AP3B1: variants seen among roughly 807,000 people sequenced by gnomAD.
AP3B1 encodes the protein adaptor related protein complex 3 subunit beta 1, also known as AP-3 complex subunit beta-1.
A neutral mutation model predicts 132.5 loss-of-function variants in AP3B1; 61 were observed. That is an observed-to-expected ratio of 0.46 (90% CI 0.37 to 0.57). AP3B1 has a LOEUF of 0.57. AP3B1 is among the 20% of genes least tolerant of loss of function. The pLI is 0.00. For missense variants in AP3B1, 1,120 were observed against 1,289.4 expected, an observed-to-expected ratio of 0.87 and a Z score of 2.01; for synonymous variants, 388 against 438.3, an observed-to-expected ratio of 0.89 and a Z score of 1.43.
intron 3 of AP3B1, among the ~76,000 whole-genome samples, chr5:78,240,409 G>A (rs1164849746): frequency 6.6e-6 from 1 of 152,132 alleles, no homozygotes; most frequent in Non-Finnish European, 1.5e-5. Flanking sequence ...CCACATATAT[G>A]TACTGAGTGC....
chr5:78,140,414 T>G (rs1480003313), intron 15 of AP3B1, among the ~76,000 whole-genome samples: 2 of 152,082 alleles, frequency 1.3e-5, no homozygotes, highest in Non-Finnish European at 2.9e-5. Flanking sequence ...TAATAAAAAT[T>G]TATTTCTCAC....
chr5:78,152,508 C>T (rs910868755), intron 14 of AP3B1, among the ~76,000 whole-genome samples: 10 of 152,092 alleles, frequency 6.6e-5, no homozygotes, highest in African/African-American at 2.2e-4. Flanking sequence ...TGAATTTCTG[C>T]AGTATCAGTT....
chr5:78,252,874 T>C (rs1747699482), intron 2 of AP3B1, among the ~76,000 whole-genome samples: 1 of 152,210 alleles, frequency 6.6e-6, no homozygotes, highest in Admixed American at 6.5e-5. Flanking sequence ...CCCAGGGCCT[T>C]GAGCAAACAT....
chr5:78,162,724 TA>T, intron 13 of AP3B1, 94 bp downstream of exon 13: 2 of 1,415,426 alleles, frequency 1.4e-6, no homozygotes, highest in South Asian at 1.2e-5. Context: ...CTGGAAAAGC[TA>T]AAATGCAAAG....
intron 4 of AP3B1, among the ~76,000 whole-genome samples, chr5:78,227,911 A>G (rs1319907279): frequency 6.6e-6 from 1 of 152,196 alleles, no homozygotes; most frequent in Non-Finnish European, 1.5e-5. Flanking sequence ...GAAGCATGAA[A>G]ATAATTATAT....
chr5:78,020,438 C>G (rs1057097378), intron 25 of AP3B1, among the ~76,000 whole-genome samples: 1 of 152,038 alleles, frequency 6.6e-6, no homozygotes, highest in African/African-American at 2.4e-5. Context: ...AGCAACAACT[C>G]TCAGCATTGA....
At chr5:78,251,653 A>C (rs138918234) in intron 2 of AP3B1, among the ~76,000 whole-genome samples, 99 of 152,348 alleles carry the variant, frequency 6.5e-4, no homozygotes, top group African/African-American at 2.3e-3. Flanking sequence ...AACCAGCCCT[A>C]GCCAGAAAGG....
chr5:78,154,183 T>C (rs890768556), intron 14 of AP3B1, among the ~76,000 whole-genome samples: 8 of 152,238 alleles, frequency 5.3e-5, no homozygotes, highest in Admixed American at 1.3e-4. Context: ...TCTGGGAAAG[T>C]CTTTATTTCT....
Position 78,257,037 on chromosome 5 carries a change from T to C in AP3B1, c.204+10483A>G, listed in dbSNP as rs577941077. 5.9e-5 allele frequency among the ~76,000 whole-genome samples: 9 copies of C among 152,218 alleles called. No individual in the cohort carries two copies. In the South Asian group the frequency reaches 6.2e-4, roughly 11 times the overall value. ...ACATACATCAACATAATAAAAACTA[T>C]ATATGACAAACCTCACAGCTAGTAT... On this transcript the variant is annotated intron_variant, in intron 2 of 26. Transcript: ENST00000255194.
chr5:78,198,635 A>T (rs994599326), intron 7 of AP3B1, among the ~76,000 whole-genome samples: 1 of 152,154 alleles, frequency 6.6e-6, no homozygotes, highest in African/African-American at 2.4e-5. Context: ...TCTAAATATC[A>T]TCACCCTGGG....
Position 78,130,067 on chromosome 5 carries a change from T to C in AP3B1, c.1651-760A>G, listed in dbSNP as rs560156305. 5.7e-4 allele frequency among the ~76,000 whole-genome samples: 87 copies of C among 152,302 alleles called. No individual in the cohort carries two copies. The Middle Eastern group carries it at 0.01, about 18-fold the overall frequency. On this transcript the variant is annotated intron_variant, in intron 15 of 26. Transcript: ENST00000255194. The stretch of plus-strand genomic sequence containing the variant: ...ATAATAAGACTTCCTAAGTCAATTT[T>C]TGAATGTACTACATTAACATATATT...
At chr5:78,165,541 G>C (rs1743577429) in intron 12 of AP3B1, 69 bp downstream of exon 12, 2 of 1,061,444 alleles carry the variant, frequency 1.9e-6, no homozygotes, top group Admixed American at 1.8e-5. Context: ...TTTCTAGATA[G>C]AAAAAGATGC....
At chr5:78,219,185 T>C (rs1266626099) in intron 6 of AP3B1, among the ~76,000 whole-genome samples, 1 of 152,114 alleles carries the variant, frequency 6.6e-6, no homozygotes, top group East Asian at 1.9e-4. Flanking sequence ...CAGCAGGCAC[T>C]GACCTAATTT....
rs757192302 is a variant in AP3B1 at position 78,020,819 on chromosome 5, T to C, written c.2895-30A>G. The C allele has an allele frequency of 2.6e-6, 4 of 1,524,040 alleles. No homozygotes were observed. The Admixed American group carries it at 6.7e-5, about 26-fold the overall frequency. 94.4% of individuals were successfully genotyped at this position (1,524,040 alleles called of 1,614,324 possible). A position where few individuals can be genotyped will look rare whatever the true frequency, so the allele number is the denominator to read the frequency against. On this transcript the variant is annotated intron_variant, in intron 24 of 26. Transcript: ENST00000255194. The stretch of plus-strand genomic sequence containing the variant: ...AGAAAAACAATCAAAGCTGACTAAA[T>C]GCTTCATAAATAAACATTCTTAATA...
chr5:78,169,635 C>A (rs999464250), intron 11 of AP3B1, among the ~76,000 whole-genome samples: 1 of 151,972 alleles, frequency 6.6e-6, no homozygotes, highest in African/African-American at 2.4e-5. Context: ...ACTATGTTGC[C>A]GAAGCTGGTG....
chr5:78,061,369 G>T (rs892085584), intron 22 of AP3B1, among the ~76,000 whole-genome samples: 2 of 152,176 alleles, frequency 1.3e-5, no homozygotes. Context: ...AACTTGGTGA[G>T]TGGTATGTCT....
chr5:78,198,278 A>G (rs1004683904), intron 7 of AP3B1, among the ~76,000 whole-genome samples: 1 of 152,238 alleles, frequency 6.6e-6, no homozygotes, highest in African/African-American at 2.4e-5. Context: ...TGACTTTAAC[A>G]CATCATGACA....
At chr5:78,179,278 A>G (rs1399595733) in intron 8 of AP3B1, among the ~76,000 whole-genome samples, 1 of 152,210 alleles carries the variant, frequency 6.6e-6, no homozygotes, top group Admixed American at 6.5e-5. Flanking sequence ...CCTTACAAAT[A>G]AAAGTCCAAT....
chr5:78,038,587 C>T (rs1251176461), intron 23 of AP3B1, among the ~76,000 whole-genome samples: 1 of 152,228 alleles, frequency 6.6e-6, no homozygotes, highest in Admixed American at 6.5e-5. Flanking sequence ...TCACTCCCTT[C>T]ACTTTCCCAT....
Sources: allele counts gnomAD v4.1 joint callset (sites outside exome capture counted in the v4.1 genomes callset), GRCh38; gene constraint gnomAD v4.1.1; transcripts MANE v1.5; gene names NCBI Gene and HGNC (gene_info 2026-07-23, HGNC 2026-07-21).